Variants in CHIA observed in about 807,000 individuals in gnomAD.
The protein encoded by CHIA is acidic mammalian chitinase.
A neutral mutation model predicts 53.5 loss-of-function variants in CHIA; 47 were observed. The ratio of observed to expected loss-of-function variants is 0.88; its 90% CI spans 0.70 to 1.12. The LOEUF is 1.12. Among genes scored for constraint, CHIA ranks in the 50% most tolerant of loss-of-function variants. The pLI is 0.00. For synonymous variants in CHIA, 268 were observed against 222.2 expected, an observed-to-expected ratio of 1.21 and a Z score of -1.83; for missense variants, 652 against 592.2, an observed-to-expected ratio of 1.10 and a Z score of -1.05.
chr1:111,310,491 A>G lies in CHIA; in HGVS notation c.24A>G (p.Thr8=). 1.9e-6 allele frequency: 3 copies of G among 1,614,186 alleles called. No individual in the cohort carries two copies. The highest frequency in any genetic ancestry group is 2.5e-6 in the Non-Finnish European group (3 of 1,180,026). The change falls in exon 2 of 12, where the codon ACA becomes ACG. Residue 8 remains threonine (T), a splice_region_variant and synonymous_variant. Coordinates refer to ENST00000369740, the MANE Select transcript of CHIA (RefSeq NM_201653.4). Reference sequence around the variant, plus strand: ...CCATGACAAAGCTTATTCTCCTCACAGGTGGGTTTGTAATCAGAGATTGAC... The same window carrying G: ...CCATGACAAAGCTTATTCTCCTCACGGGTGGGTTTGTAATCAGAGATTGAC... MTKLILL[T]GLVLILNLQL... is the part of the protein sequence containing the mutation.
At chr1:111,293,438 T>C (rs1367783307) in intron 1 of CHIA, among the ~76,000 whole-genome samples, 1 of 151,742 alleles carries the variant, frequency 6.6e-6, no homozygotes, top group Non-Finnish European at 1.5e-5. Context: ...TGTTTGGTTG[T>C]GTGTGTGTGT....
chr1:111,316,587 G>A (rs1224192834), intron 6 of CHIA: 4 of 152,162 alleles, frequency 2.6e-5, no homozygotes, highest in Admixed American at 2.6e-4. Flanking sequence ...GGTAAATACA[G>A]GAAGAAGTGT....
intron 1 of CHIA, among the ~76,000 whole-genome samples, chr1:111,294,727 G>C (rs1373373197): frequency 6.6e-6 from 1 of 152,118 alleles, no homozygotes; most frequent in African/African-American, 2.4e-5. Context: ...TCTATTTCTA[G>C]TTTGTTTTTA....
rs9659620 is a variant in CHIA at position 111,302,056 on chromosome 1, A to T, written c.-68-8344A>T. On this transcript the variant is annotated intron_variant, in intron 1 of 11. Coordinates refer to ENST00000369740, the MANE Select transcript of CHIA (RefSeq NM_201653.4). ...TACCCTAGAACTTAAAGTAAAATTT[A>T]AAAAAAAGCCTCATAATCCTTTTTA... Among the ~76,000 whole-genome samples, 433 of 152,076 alleles carry T rather than the reference A, an allele frequency of 2.8e-3. 3 individuals are homozygous for T. Among genetic ancestry groups the T allele is most frequent in the African/African-American group, 8.3e-3 (345 of 41,496 alleles).
chr1:111,310,184 A>C (rs992300574), intron 1 of CHIA, among the ~76,000 whole-genome samples: 15 of 152,200 alleles, frequency 9.9e-5, no homozygotes, highest in East Asian at 3.8e-4. Flanking sequence ...TGGAACTGCC[A>C]AAAAAGCTAT....
chr1:111,305,719 G>C (rs1407364545), intron 1 of CHIA, among the ~76,000 whole-genome samples: 2 of 152,084 alleles, frequency 1.3e-5, no homozygotes, highest in Non-Finnish European at 2.9e-5. Flanking sequence ...ACAGATTCCT[G>C]GTGCTTTCTA....
intron 2 of CHIA, among the ~76,000 whole-genome samples, chr1:111,311,455 A>G (rs1648663966): frequency 6.6e-6 from 1 of 152,180 alleles, no homozygotes; most frequent in Admixed American, 6.5e-5. Flanking sequence ...AGCATTCAGG[A>G]ACATTTATTT....
intron 1 of CHIA, among the ~76,000 whole-genome samples, chr1:111,302,067 T>C (rs1479699799): frequency 6.6e-6 from 1 of 152,190 alleles, no homozygotes; most frequent in Non-Finnish European, 1.5e-5. Flanking sequence ...AAAAAAAGCC[T>C]CATAATCCTT....
At chr1:111,318,777 T>C (rs2101654235) in intron 9 of CHIA, 99 bp downstream of exon 9, 6 of 1,303,942 alleles carry the variant, frequency 4.6e-6, no homozygotes, top group South Asian at 1.4e-5. Flanking sequence ...GTCTCCTACC[T>C]AAATGCTTTA....
At chr1:111,292,880 A>G (rs996094985) in intron 1 of CHIA, among the ~76,000 whole-genome samples, 12 of 152,198 alleles carry the variant, frequency 7.9e-5, no homozygotes, top group Admixed American at 6.5e-4. Context: ...ATTGAGTATA[A>G]TGTCTCAAGA....
chr1:111,316,818 T>A (rs1438509604), intron 6 of CHIA: 1 of 152,218 alleles, frequency 6.6e-6, no homozygotes. Flanking sequence ...ATAGTTTCAA[T>A]GTTAAGTAAT....
rs563175516 is a variant in CHIA, at chr1:111,314,322, A to G, written c.258-218A>G. Among the ~76,000 whole-genome samples, 5 of 152,352 alleles carry G rather than the reference A, an allele frequency of 3.3e-5. No homozygotes were observed. The South Asian group carries it at 1.0e-3, about 32-fold the overall frequency. ...CAACACACAATATTTTTTAAAGCCC[A>G]GTTTCAAAATTTAGATTTCCCTAGG... is the stretch of plus-strand genomic sequence containing the variant. On this transcript the variant is annotated intron_variant, in intron 4 of 11. Coordinates refer to ENST00000369740, the MANE Select transcript of CHIA (RefSeq NM_201653.4).
In CHIA at chr1:111,315,395, G is replaced by C. The variant is rs550748247; in HGVS notation, c.440G>C (p.Ser147Thr). The change falls in exon 6 of 12, where the codon AGC becomes ACC. Residue 147 changes from serine to threonine, a missense_variant. By Grantham distance (58) the Ser-to-Thr change is moderately conservative. Transcript: ENST00000369740. The part of the protein sequence containing the change: ...FDWEYPGSRG[S>T]PPQDKHLFTV... ...TGGGAGTACCCTGGCTCTCGTGGGA[G>C]CCCTCCTCAGGACAAGCATCTCTTC... 3.1e-6 allele frequency: 5 copies of C among 1,614,086 alleles called. No homozygotes were observed. The East Asian group carries it at 1.1e-4, about 36-fold the overall frequency.
intron 1 of CHIA, among the ~76,000 whole-genome samples, chr1:111,298,180 A>G (rs2101607867): frequency 6.6e-6 from 1 of 152,326 alleles, no homozygotes; most frequent in African/African-American, 2.4e-5. Context: ...TATTAGACAT[A>G]TCAATGAGAC....
chr1:111,301,547 A>T (rs1486644597), intron 1 of CHIA, among the ~76,000 whole-genome samples: 3 of 151,700 alleles, frequency 2.0e-5, no homozygotes, highest in Non-Finnish European at 2.9e-5. Context: ...AAAATACAAA[A>T]AAAAATTAGC....
chr1:111,315,525 T>C, intron 6 of CHIA, 90 bp downstream of exon 6: 1 of 1,344,484 alleles, frequency 7.4e-7, no homozygotes, highest in Non-Finnish European at 1.0e-6. Flanking sequence ...AAAACAAAAC[T>C]TGAATTTAAA....
chr1:111,296,919 G>A (rs752881552), intron 1 of CHIA, among the ~76,000 whole-genome samples: 2 of 152,210 alleles, frequency 1.3e-5, no homozygotes, highest in African/African-American at 2.4e-5. Context: ...CGAGAACTTC[G>A]TGATGCATGC....
intron 7 of CHIA, 54 bp downstream of exon 7, chr1:111,317,859 G>T: frequency 6.2e-7 from 1 of 1,612,160 alleles, no homozygotes; most frequent in Admixed American, 1.7e-5. Context: ...GGGCACACTA[G>T]ACTTGTCCTT....
intron 11 of CHIA, among the ~76,000 whole-genome samples, chr1:111,319,816 C>T (rs542618581): frequency 1.3e-4 from 20 of 152,366 alleles, no homozygotes; most frequent in Admixed American, 9.1e-4. Flanking sequence ...AAGAAACCCT[C>T]ACCAATGCTC....
Sources: gnomAD v4.1 joint callset for allele counts (sites outside exome capture counted in the v4.1 genomes callset) on GRCh38, gnomAD v4.1.1 for gene constraint, MANE v1.5 for transcripts, NCBI Gene and HGNC (gene_info 2026-07-23, HGNC 2026-07-21) for gene names.